The following LRP1B variants were observed in gnomAD, a reference collection of about 807,000 sequenced individuals.
LRP1B encodes low-density lipoprotein receptor-related protein 1B.
LRP1B carries 217 observed loss-of-function variants against 556.6 expected under a neutral mutation model. The ratio of observed to expected loss-of-function variants is 0.39; its 90% CI spans 0.35 to 0.44. The LOEUF is 0.44. Among genes scored for constraint, LRP1B ranks in the 20% least tolerant of loss-of-function variants. The pLI, the probability that LRP1B is intolerant of heterozygous loss-of-function variation, is 1.00. For synonymous variants in LRP1B, 2,047 were observed against 1,865.8 expected (o/e 1.10, Z -2.50); for missense variants, 5,053 against 5,620.8 (o/e 0.90, Z 3.23).
At chr2:142,062,532 G>A (rs1382276650) in intron 1 of LRP1B, among the ~76,000 whole-genome samples, 1 of 151,690 alleles carries the variant, frequency 6.6e-6, no homozygotes, top group Non-Finnish European at 1.5e-5. Flanking sequence ...CTACTAGATG[G>A]AGCAGAAATA....
chr2:140,697,222 T>C (rs562284097), intron 41 of LRP1B, among the ~76,000 whole-genome samples: 4 of 152,122 alleles, frequency 2.6e-5, no homozygotes, highest in African/African-American at 4.8e-5. Flanking sequence ...ATTGTATGTA[T>C]ACTTTAATTA....
At chr2:141,358,169 C>T (rs765761235) in intron 3 of LRP1B, among the ~76,000 whole-genome samples, 5 of 152,118 alleles carry the variant, frequency 3.3e-5, no homozygotes, top group Non-Finnish European at 7.4e-5. Context: ...CCAAAATATG[C>T]AGAGTTAGAA....
At chr2:140,495,825 A>G in intron 55 of LRP1B, 77 bp from the exon 56 acceptor site, 1 of 1,167,274 alleles carries the variant, frequency 8.6e-7, no homozygotes, top group South Asian at 1.6e-5. Context: ...CTTTAGCATT[A>G]AGCAAGAAAA....
In LRP1B at chr2:140,798,610, G is replaced by A. The variant is rs72920951; in HGVS notation, c.5359+15047C>T. 5.6e-3 allele frequency among the ~76,000 whole-genome samples: 859 copies of A among 152,216 alleles called. 5 individuals are homozygous for A. The highest frequency in any genetic ancestry group is 8.1e-3 in the Non-Finnish European group (551 of 68,008). ...AGGTTTCTCAACCCCAGCACTATTG[G>A]CATTTTACCCCAAATAGTTCCTTGT... On this transcript the variant is annotated intron_variant, in intron 32 of 90. Transcript: ENST00000389484.
At chr2:141,298,271 C>A (rs750527281) in intron 3 of LRP1B, among the ~76,000 whole-genome samples, 6 of 152,064 alleles carry the variant, frequency 3.9e-5, no homozygotes, top group Non-Finnish European at 5.9e-5. Flanking sequence ...TTGCCCTTGC[C>A]CATGGCTTTT....
chr2:141,260,756 TTA>T lies in LRP1B; in HGVS notation c.344-6117_344-6116del, dbSNP rs1162796345. Among the ~76,000 whole-genome samples the T allele has an allele frequency of 2.0e-5, 3 of 152,312 alleles. No individual in the cohort carries two copies. In the East Asian group the frequency reaches 5.8e-4, roughly 29 times the overall value. ...GCTATTTTATTTGTATGCTTCCAGGTTATGTTTTGGAGAGTAAATTAGAACTT... is the reference window on the plus strand; with the variant it reads ...GCTATTTTATTTGTATGCTTCCAGGTTGTTTTGGAGAGTAAATTAGAACTT... On this transcript the variant is annotated intron_variant, in intron 3 of 90. Transcript: ENST00000389484.
chr2:141,927,617 TC>T (rs750761487), intron 1 of LRP1B, among the ~76,000 whole-genome samples: 12 of 152,072 alleles, frequency 7.9e-5, no homozygotes, highest in Non-Finnish European at 1.6e-4. Flanking sequence ...TTCTATGCTA[TC>T]TTTCAATACA....
At chr2:141,673,824 A>G (rs1162660967) in intron 2 of LRP1B, among the ~76,000 whole-genome samples, 1 of 152,028 alleles carries the variant, frequency 6.6e-6, no homozygotes, top group East Asian at 1.9e-4. Flanking sequence ...TGTCCACTGC[A>G]ATGATTTTTT....
intron 49 of LRP1B, among the ~76,000 whole-genome samples, chr2:140,520,106 G>A (rs1481681181): frequency 2.0e-5 from 3 of 152,066 alleles, no homozygotes; most frequent in East Asian, 3.9e-4. Context: ...CTATTACTGG[G>A]TATATACCCA....
intron 11 of LRP1B, among the ~76,000 whole-genome samples, chr2:141,033,325 G>T (rs763484124): frequency 4.7e-4 from 71 of 152,052 alleles, no homozygotes; most frequent in African/African-American, 1.6e-3. Flanking sequence ...CGTGGTGAGC[G>T]CTAAGAACTT....
chr2:141,748,833 G>A (rs960467807), intron 2 of LRP1B, among the ~76,000 whole-genome samples: 8 of 152,094 alleles, frequency 5.3e-5, no homozygotes, highest in African/African-American at 1.9e-4. Context: ...TCTGACTTCT[G>A]GGAATGGAAC....
chr2:141,300,190 A>G (rs1686336520), intron 3 of LRP1B, among the ~76,000 whole-genome samples: 1 of 152,188 alleles, frequency 6.6e-6, no homozygotes, highest in Non-Finnish European at 1.5e-5. Flanking sequence ...CAAAATAAAT[A>G]TCTGTTGAAT....
At chr2:140,922,298 GCACACACGCA>G (rs200071998) in intron 21 of LRP1B, among the ~76,000 whole-genome samples, 8,774 of 135,840 alleles carry the variant, frequency 0.065, 307 homozygotes, top group African/African-American at 0.094. Flanking sequence ...ACACACACAC[GCACACACGCA>G]CACACACGCA....
intron 41 of LRP1B, among the ~76,000 whole-genome samples, chr2:140,615,281 C>T (rs1440425830): frequency 6.6e-6 from 1 of 152,086 alleles, no homozygotes; most frequent in African/African-American, 2.4e-5. Context: ...AAGACAGCTT[C>T]AACCCTCTAT....
intron 3 of LRP1B, among the ~76,000 whole-genome samples, chr2:141,293,243 TAAC>T (rs1558986502): frequency 1.3e-5 from 2 of 152,144 alleles, no homozygotes; most frequent in Non-Finnish European, 2.9e-5. Context: ...TTCAGAGAAA[TAAC>T]AAGTAGGTTG....
rs537084266 is a variant in LRP1B, at chr2:141,469,787, T to C, written c.343+10609A>G. Among the ~76,000 whole-genome samples the C allele has an allele frequency of 6.6e-4, 100 of 152,302 alleles. 2 individuals carry two copies. In the South Asian group the frequency reaches 0.019, roughly 28 times the overall value. On this transcript the variant is annotated intron_variant, in intron 3 of 90. Transcript: ENST00000389484. ...TTTATGGTTAATTCTCATTGGAATG[T>C]CCTTTCTTATTCAATGTTTCACTTT...
At chr2:141,943,242 C>T (rs2105018295) in intron 1 of LRP1B, among the ~76,000 whole-genome samples, 1 of 152,056 alleles carries the variant, frequency 6.6e-6, no homozygotes, top group Non-Finnish European at 1.5e-5. Context: ...CTCTAATTAA[C>T]CTATATTTTT....
intron 20 of LRP1B, among the ~76,000 whole-genome samples, chr2:140,940,115 C>A (rs1194058666): frequency 6.6e-6 from 1 of 151,984 alleles, no homozygotes; most frequent in East Asian, 1.9e-4. Flanking sequence ...TAACTCCTGA[C>A]CTCAAGTGAT....
chr2:141,097,250 A>C lies in LRP1B; in HGVS notation c.1014-34977T>G, dbSNP rs542278077. 2.0e-5 allele frequency among the ~76,000 whole-genome samples: 3 copies of C among 152,314 alleles called. No homozygotes were observed. The East Asian group carries it at 5.8e-4, about 29-fold the overall frequency. On this transcript the variant is annotated intron_variant, in intron 7 of 90. Coordinates refer to ENST00000389484, the MANE Select transcript of LRP1B (RefSeq NM_018557.3). ...CTATGGTAATTTATGCTCACTCAGA[A>C]GACTATGTTCTTTCATGAAATTTTT...
Sources: gnomAD v4.1 joint callset for allele counts (sites outside exome capture counted in the v4.1 genomes callset) on GRCh38, gnomAD v4.1.1 for gene constraint, MANE v1.5 for transcripts, NCBI Gene and HGNC (gene_info 2026-07-23, HGNC 2026-07-21) for gene names.